The following ZFPM2 variants were observed in gnomAD, a reference collection of about 807,000 sequenced individuals.
The protein encoded by ZFPM2 is zinc finger protein, FOG family member 2, also known as zinc finger protein ZFPM2.
A neutral mutation model predicts 98.6 loss-of-function variants in ZFPM2; 20 were observed. The ratio of observed to expected loss-of-function variants is 0.20; its 90% CI spans 0.14 to 0.29. ZFPM2 has a LOEUF of 0.29. ZFPM2 is among the 10% of genes least tolerant of loss of function. ZFPM2 has a pLI of 1.00. For missense variants in ZFPM2, 1,310 were observed against 1,388.6 expected (o/e 0.94, Z 0.90); for synonymous variants, 518 against 502.7 (o/e 1.03, Z -0.41).
At chr8:105,650,959 A>T (rs1352282997) in intron 5 of ZFPM2, among the ~76,000 whole-genome samples, 1 of 152,096 alleles carries the variant, frequency 6.6e-6, no homozygotes, top group Non-Finnish European at 1.5e-5. Flanking sequence ...TTCTGACCTC[A>T]TTCCTTGGAC....
chr8:105,668,158 C>A (rs2130898898), intron 5 of ZFPM2, among the ~76,000 whole-genome samples: 1 of 152,292 alleles, frequency 6.6e-6, no homozygotes, highest in South Asian at 2.1e-4. Flanking sequence ...GCTCCACGTA[C>A]CTTAGGAAGC....
intron 5 of ZFPM2, among the ~76,000 whole-genome samples, chr8:105,707,176 A>G (rs1489668213): frequency 6.6e-6 from 1 of 151,822 alleles, no homozygotes; most frequent in Admixed American, 6.6e-5. Flanking sequence ...CAGGAGATCA[A>G]AAGTGCAGTA....
chr8:105,669,757 GC>G (rs759319137), intron 5 of ZFPM2, among the ~76,000 whole-genome samples: 2 of 152,230 alleles, frequency 1.3e-5, no homozygotes, highest in Non-Finnish European at 2.9e-5. Flanking sequence ...AGCTCTAGAA[GC>G]AAAGGTCTTG....
rs187955818 is a variant in ZFPM2 at position 105,427,016 on chromosome 8, C to A, written c.199+7714C>A. On this transcript the variant is annotated intron_variant, in intron 2 of 7. Coordinates refer to ENST00000407775, the MANE Select transcript of ZFPM2 (RefSeq NM_012082.4). Reference sequence around the variant, plus strand: ...TCTCATGAGGTTGAAAAAATATATACCTTATGACCTTGTGGCATCACTCTT... The same window carrying A: ...TCTCATGAGGTTGAAAAAATATATAACTTATGACCTTGTGGCATCACTCTT... Among the ~76,000 whole-genome samples the A allele has an allele frequency of 2.0e-5, 3 of 152,172 alleles. No homozygotes were observed. In the East Asian group the frequency reaches 5.8e-4, roughly 29 times the overall value.
At chr8:105,768,743 G>T (rs1812914172) in intron 5 of ZFPM2, among the ~76,000 whole-genome samples, 1 of 151,768 alleles carries the variant, frequency 6.6e-6, no homozygotes, top group Non-Finnish European at 1.5e-5. Flanking sequence ...AAAATTGTTT[G>T]GGAAAAAGTT....
intron 1 of ZFPM2, among the ~76,000 whole-genome samples, chr8:105,376,437 T>TA (rs1363832198): frequency 1.3e-5 from 2 of 152,184 alleles, no homozygotes; most frequent in Non-Finnish European, 2.9e-5. Flanking sequence ...TGAAAGGCTT[T>TA]AAAATCTTTA....
chr8:105,429,120 C>A (rs575226317), intron 2 of ZFPM2, among the ~76,000 whole-genome samples: 1 of 152,240 alleles, frequency 6.6e-6, no homozygotes, highest in Admixed American at 6.5e-5. Context: ...ATATCAAACA[C>A]TTTGCTTACT....
intron 3 of ZFPM2, among the ~76,000 whole-genome samples, chr8:105,551,663 G>C (rs1454097108): frequency 9.3e-6 from 1 of 107,948 alleles, no homozygotes; most frequent in African/African-American, 5.1e-5. Flanking sequence ...CCATCCTTTG[G>C]TTTTATAATT....
At chr8:105,677,490 A>C (rs1468250259) in intron 5 of ZFPM2, among the ~76,000 whole-genome samples, 1 of 152,126 alleles carries the variant, frequency 6.6e-6, no homozygotes, top group East Asian at 1.9e-4. Context: ...TGCTAAAATT[A>C]AACAATTCTC....
intron 3 of ZFPM2, among the ~76,000 whole-genome samples, chr8:105,555,055 G>A (rs539054553): frequency 6.6e-6 from 1 of 150,764 alleles, no homozygotes; most frequent in Non-Finnish European, 1.5e-5. Flanking sequence ...GCTGTGGGAT[G>A]TTTGGTAGTG....
At chr8:105,425,142 C>G (rs1325573420) in intron 2 of ZFPM2, among the ~76,000 whole-genome samples, 2 of 151,998 alleles carry the variant, frequency 1.3e-5, no homozygotes, top group Admixed American at 1.3e-4. Flanking sequence ...GTAGAACCTG[C>G]TGCTCTTGGA....
intron 6 of ZFPM2, among the ~76,000 whole-genome samples, chr8:105,796,522 A>G (rs564848947): frequency 8.5e-5 from 13 of 152,306 alleles, no homozygotes; most frequent in African/African-American, 3.1e-4. Flanking sequence ...TTAATTTTAA[A>G]ATTAAATGTT....
At chr8:105,452,202 T>C (rs1318390495) in intron 3 of ZFPM2, among the ~76,000 whole-genome samples, 1 of 152,148 alleles carries the variant, frequency 6.6e-6, no homozygotes, top group African/African-American at 2.4e-5. Flanking sequence ...TATCAAAAGT[T>C]TGATGCTTTT....
intron 5 of ZFPM2, among the ~76,000 whole-genome samples, chr8:105,735,330 G>T (rs1297507541): frequency 6.6e-6 from 1 of 151,322 alleles, no homozygotes; most frequent in Non-Finnish European, 1.5e-5. Flanking sequence ...TCTCTAGAGG[G>T]TTCAAAAAAA....
chr8:105,406,549 A>C (rs1168147321), intron 1 of ZFPM2, among the ~76,000 whole-genome samples: 1 of 152,014 alleles, frequency 6.6e-6, no homozygotes, highest in African/African-American at 2.4e-5. Flanking sequence ...GTCCACTCTT[A>C]TTGTGACCCT....
In ZFPM2 at chr8:105,720,988, A is replaced by G. The variant is rs545681622; in HGVS notation, c.533-67730A>G. 7.2e-5 allele frequency among the ~76,000 whole-genome samples: 11 copies of G among 152,036 alleles called. No individual in the cohort carries two copies. In the South Asian group the frequency reaches 1.2e-3, roughly 17 times the overall value. On this transcript the variant is annotated intron_variant, in intron 5 of 7. Transcript: ENST00000407775. ...TGTGGAAGAGAAAGTCGAAAAAACT[A>G]GTAAGAACGACTGCATTGTAAAAAC...
chr8:105,573,633 A>G (rs1815403221), intron 4 of ZFPM2, among the ~76,000 whole-genome samples: 1 of 152,220 alleles, frequency 6.6e-6, no homozygotes, highest in Admixed American at 6.5e-5. Flanking sequence ...CTTCCTGATT[A>G]ATTTATTTAG....
intron 5 of ZFPM2, among the ~76,000 whole-genome samples, chr8:105,766,307 A>G (rs1179701465): frequency 6.6e-6 from 1 of 151,910 alleles, no homozygotes; most frequent in African/African-American, 2.4e-5. Context: ...TGTACCTATA[A>G]TTACATGTTA....
chr8:105,743,595 G>T (rs1008863184), intron 5 of ZFPM2, among the ~76,000 whole-genome samples: 71 of 151,968 alleles, frequency 4.7e-4, no homozygotes, highest in African/African-American at 1.6e-3. Flanking sequence ...GAATCACCCA[G>T]ATCTCTAAGA....
Sources: gnomAD v4.1 joint callset for allele counts (sites outside exome capture counted in the v4.1 genomes callset) on GRCh38, gnomAD v4.1.1 for gene constraint, MANE v1.5 for transcripts, NCBI Gene and HGNC (gene_info 2026-07-23, HGNC 2026-07-21) for gene names.